Variants in GRM5 observed in about 807,000 individuals in gnomAD.
GRM5 encodes metabotropic glutamate receptor 5.
Under a neutral mutation model 83.1 loss-of-function variants are expected in GRM5, and 19 were observed. That is an observed-to-expected ratio of 0.23 (90% CI 0.16 to 0.34). The LOEUF is 0.34. Ranked by LOEUF, GRM5 falls within the 10% of genes least tolerant of loss-of-function variation. The probability of loss-of-function intolerance (pLI) is 1.00; values close to 1 mark genes in which losing one functional copy is unlikely to be tolerated. For synonymous variants in GRM5, 675 were observed against 633.6 expected, an observed-to-expected ratio of 1.07 and a Z score of -0.98; for missense variants, 1,160 against 1,588.3, an observed-to-expected ratio of 0.73 and a Z score of 4.58.
At chr11:88,987,489 G>C (rs975721086) in intron 2 of GRM5, among the ~76,000 whole-genome samples, 96 of 151,888 alleles carry the variant, frequency 6.3e-4, no homozygotes, top group Non-Finnish European at 1.0e-3. Context: ...CAGGAAGCTC[G>C]AACTGGGTGG....
intron 4 of GRM5, among the ~76,000 whole-genome samples, chr11:88,651,891 A>G (rs1053822834): frequency 3.9e-5 from 6 of 152,092 alleles, no homozygotes; most frequent in Admixed American, 6.6e-5. Flanking sequence ...TATCTCCATC[A>G]TTTCCCAAAA....
intron 2 of GRM5, among the ~76,000 whole-genome samples, chr11:89,002,819 C>A (rs188802318): frequency 5.8e-4 from 89 of 152,178 alleles, no homozygotes; most frequent in African/African-American, 1.9e-3. Flanking sequence ...TGCTTCCCCC[C>A]CAGAGAGCCA....
chr11:88,841,328 G>A (rs575237850), intron 3 of GRM5, among the ~76,000 whole-genome samples: 3 of 152,098 alleles, frequency 2.0e-5, no homozygotes. Flanking sequence ...CAATTTTTAA[G>A]CCAAATATCT....
intron 2 of GRM5, among the ~76,000 whole-genome samples, chr11:88,917,753 G>T (rs12294267): frequency 0.029 from 4,440 of 152,150 alleles, 209 homozygotes; most frequent in African/African-American, 0.1. Context: ...GAAAGGATTT[G>T]TGTGCTTGAA....
At chr11:88,562,055 ATG>A (rs1047067684) in intron 8 of GRM5, among the ~76,000 whole-genome samples, 2 of 152,070 alleles carry the variant, frequency 1.3e-5, no homozygotes, top group Non-Finnish European at 2.9e-5. Flanking sequence ...GTCTATGATG[ATG>A]TTTTCCAAAG....
chr11:88,668,210 T>TTGCACACACACACACA (rs888565413), intron 3 of GRM5, among the ~76,000 whole-genome samples: 13 of 49,262 alleles, frequency 2.6e-4, no homozygotes, highest in African/African-American at 5.7e-4. Context: ...CTGCAGAAAC[T>TTGCACACACACACACA]CGCACACACA....
At chr11:88,686,040 C>A (rs1303963796) in intron 3 of GRM5, among the ~76,000 whole-genome samples, 1 of 152,082 alleles carries the variant, frequency 6.6e-6, no homozygotes, top group Non-Finnish European at 1.5e-5. Flanking sequence ...AATGGTAGAT[C>A]CACCGACAGC....
At chr11:89,055,983 A>C (rs979931871) in intron 1 of GRM5, among the ~76,000 whole-genome samples, 1 of 152,180 alleles carries the variant, frequency 6.6e-6, no homozygotes, top group African/African-American at 2.4e-5. Context: ...GTAGTACCAG[A>C]GCCAAGAGTC....
At chr11:88,546,895 A>T (rs181160456) in intron 8 of GRM5, among the ~76,000 whole-genome samples, 1 of 152,258 alleles carries the variant, frequency 6.6e-6, no homozygotes, top group East Asian at 1.9e-4. Context: ...TGAAGATACT[A>T]TGAGGAATTG....
intron 2 of GRM5, among the ~76,000 whole-genome samples, chr11:88,949,185 A>C (rs1377324970): frequency 6.6e-6 from 1 of 152,188 alleles, no homozygotes; most frequent in Non-Finnish European, 1.5e-5. Flanking sequence ...TCAAACCCTG[A>C]TTTTAGTCCA....
At chr11:88,511,032 A>G (rs1459095415) in intron 9 of GRM5, among the ~76,000 whole-genome samples, 2 of 152,228 alleles carry the variant, frequency 1.3e-5, no homozygotes, top group Admixed American at 1.3e-4. Flanking sequence ...TGTAAGACTC[A>G]TCTAGGGCAT....
At chr11:88,807,461 A>T (rs543972003) in intron 3 of GRM5, among the ~76,000 whole-genome samples, 1 of 152,244 alleles carries the variant, frequency 6.6e-6, no homozygotes, top group East Asian at 1.9e-4. Context: ...AAGAGAAAAG[A>T]AAAAGAGAAA....
chr11:88,729,807 T>A (rs1428585831), intron 3 of GRM5, among the ~76,000 whole-genome samples: 1 of 152,182 alleles, frequency 6.6e-6, no homozygotes, highest in African/African-American at 2.4e-5. Context: ...TAAATGGTGT[T>A]GGGAAAACTG....
At chr11:88,509,538 C>A in intron 9 of GRM5, 34 bp from the exon 10 acceptor site, 1 of 1,554,590 alleles carries the variant, frequency 6.4e-7, no homozygotes, top group Non-Finnish European at 8.8e-7. Flanking sequence ...GGTGACTCAG[C>A]GAGGTGCCCA....
intron 1 of GRM5, among the ~76,000 whole-genome samples, chr11:89,064,888 C>CTCTCTCTCTGTGTGTGTGTGTGTG (rs1218318990): frequency 8.0e-5 from 5 of 62,266 alleles, no homozygotes; most frequent in African/African-American, 3.4e-4. Flanking sequence ...CTCTCTCTCT[C>CTCTCTCTCTGTGTGTGTGTGTGTG]TGTGTGTGTG....
chr11:88,664,271 G>A (rs1018200503), intron 3 of GRM5, among the ~76,000 whole-genome samples: 1 of 150,726 alleles, frequency 6.6e-6, no homozygotes. Flanking sequence ...ATATACAGTT[G>A]GCCCTCCATA....
intron 3 of GRM5, among the ~76,000 whole-genome samples, chr11:88,803,515 C>T (rs1590869507): frequency 1.3e-5 from 2 of 152,202 alleles, no homozygotes; most frequent in African/African-American, 2.4e-5. Context: ...CCCTTCCTTA[C>T]ACCTTATACA....
At chr11:88,625,474 G>A (rs1938768276) in intron 4 of GRM5, among the ~76,000 whole-genome samples, 1 of 152,024 alleles carries the variant, frequency 6.6e-6, no homozygotes. Context: ...AGTATTTGGT[G>A]GATTTTCTTC....
chr11:88,626,177 G>T (rs1251119488), intron 4 of GRM5, among the ~76,000 whole-genome samples: 1 of 152,158 alleles, frequency 6.6e-6, no homozygotes, highest in African/African-American at 2.4e-5. Flanking sequence ...GATAGAAAAT[G>T]GCAGAGAAGC....
Sources: allele counts gnomAD v4.1 joint callset (sites outside exome capture counted in the v4.1 genomes callset), GRCh38; gene constraint gnomAD v4.1.1; transcripts MANE v1.5; gene names NCBI Gene and HGNC (gene_info 2026-07-23, HGNC 2026-07-21).